The following SMAP1 variants were observed in gnomAD, a reference collection of about 807,000 sequenced individuals.
SMAP1 encodes small ArfGAP 1.
In SMAP1, 24 loss-of-function variants were observed where a neutral mutation model predicts 58.5. The ratio of observed to expected loss-of-function variants is 0.41; its 90% CI spans 0.30 to 0.58. The LOEUF (loss-of-function observed/expected upper bound fraction) is 0.58, where lower values mean the gene tolerates loss of function less well. Ranked by LOEUF, SMAP1 falls within the 20% of genes least tolerant of loss-of-function variation. The pLI is 0.29. For synonymous variants in SMAP1, 216 were observed against 196.6 expected (o/e 1.10, Z -0.82); for missense variants, 563 against 566.3 (o/e 0.99, Z 0.06).
intron 1 of SMAP1, among the ~76,000 whole-genome samples, chr6:70,691,684 T>C (rs184878551): frequency 1.3e-4 from 20 of 152,320 alleles, no homozygotes; most frequent in Admixed American, 9.8e-4. Flanking sequence ...AATTTTTAGC[T>C]CCTATAAAAG....
In SMAP1 at chr6:70,807,971, A is replaced by AATTATAT. The variant is rs564489914; in HGVS notation, c.576+9244_576+9250dup. Among the ~76,000 whole-genome samples, 64 of 151,018 alleles carry AATTATAT rather than the reference A, an allele frequency of 4.2e-4. 1 individual carries two copies. Among genetic ancestry groups the AATTATAT allele is most frequent in the Non-Finnish European group, 8.3e-4 (56 of 67,776 alleles). On this transcript the variant is annotated intron_variant, in intron 6 of 10. Transcript: ENST00000370455. ...TGTCACATGTATTAGATATATTCTT[A>AATTATAT]ATTATATATTATATATAAGAATATA... is the stretch of plus-strand genomic sequence containing the variant.
intron 7 of SMAP1, among the ~76,000 whole-genome samples, chr6:70,840,846 C>G (rs1054714450): frequency 6.6e-6 from 1 of 152,122 alleles, no homozygotes; most frequent in Admixed American, 6.5e-5. Flanking sequence ...TCTGAATGTA[C>G]CAGATTTGAA....
intron 3 of SMAP1, 94 bp from the exon 4 acceptor site, chr6:70,773,251 AAAATT>A: frequency 1.5e-6 from 1 of 681,518 alleles, no homozygotes; most frequent in Non-Finnish European, 2.5e-6. Context: ...GAGGAGTAGG[AAAATT>A]AAATTTAGAG....
chr6:70,826,526 G>A (rs954687534), intron 6 of SMAP1, among the ~76,000 whole-genome samples: 5 of 152,104 alleles, frequency 3.3e-5, no homozygotes, highest in African/African-American at 1.2e-4. Context: ...CACTTTGGGA[G>A]GCCGAGGCAG....
chr6:70,668,217 G>A lies in SMAP1; in HGVS notation c.118+76G>A, dbSNP rs951555813. 3.0e-6 allele frequency: 4 copies of A among 1,338,098 alleles called. No individual in the cohort carries two copies. In the East Asian group the frequency reaches 7.9e-5, roughly 27 times the overall value. The allele number at this position is 1,338,098 out of a possible 1,614,324, so 82.9% of individuals were successfully genotyped here. A position where few individuals can be genotyped will look rare whatever the true frequency, so the allele number is the denominator to read the frequency against. ...ACCTTCCCGCCGCTGCGGCGCTCGG[G>A]GCCCGAGCGGACGCCTCGGCTTCGC... On this transcript the variant is annotated intron_variant, in intron 1 of 10. Transcript: ENST00000370455.
chr6:70,700,645 A>C (rs1376723483), intron 1 of SMAP1, among the ~76,000 whole-genome samples: 1 of 152,216 alleles, frequency 6.6e-6, no homozygotes, highest in Non-Finnish European at 1.5e-5. Flanking sequence ...ATTTATGTAT[A>C]GTAACAGAAG....
At chr6:70,711,630 C>T (rs1291583476) in intron 1 of SMAP1, among the ~76,000 whole-genome samples, 1 of 151,692 alleles carries the variant, frequency 6.6e-6, no homozygotes, top group Non-Finnish European at 1.5e-5. Context: ...CAGGTTCAAG[C>T]GATTCTTCTG....
chr6:70,812,246 C>T (rs1040389906), intron 6 of SMAP1, among the ~76,000 whole-genome samples: 1 of 152,046 alleles, frequency 6.6e-6, no homozygotes, highest in Admixed American at 6.6e-5. Context: ...AGTTTTAATA[C>T]CATTAGGTGG....
intron 3 of SMAP1, among the ~76,000 whole-genome samples, chr6:70,764,989 A>G (rs1267498340): frequency 6.6e-6 from 1 of 151,984 alleles, no homozygotes; most frequent in Non-Finnish European, 1.5e-5. Flanking sequence ...TTTTGTAGAG[A>G]TGGAATTTTG....
At chr6:70,680,712 G>GTTTTTTTTTTTTTTTTT (rs34867967) in intron 1 of SMAP1, among the ~76,000 whole-genome samples, 1 of 78,980 alleles carries the variant, frequency 1.3e-5, no homozygotes, top group Non-Finnish European at 2.2e-5. Context: ...TGGATTTCCT[G>GTTTTTTTTTTTTTTTTT]TTTTTTTTTT....
At chr6:70,745,612 C>T (rs1362287062) in intron 2 of SMAP1, among the ~76,000 whole-genome samples, 1 of 151,782 alleles carries the variant, frequency 6.6e-6, no homozygotes, top group Non-Finnish European at 1.5e-5. Flanking sequence ...TAGTGTGATG[C>T]CTCCAGCTTT....
At chr6:70,786,582 A>C (rs919565923) in intron 4 of SMAP1, among the ~76,000 whole-genome samples, 1 of 151,816 alleles carries the variant, frequency 6.6e-6, no homozygotes, top group Non-Finnish European at 1.5e-5. Flanking sequence ...AATCTCCTTA[A>C]GCTGATAAGC....
At chr6:70,739,339 A>G (rs969230882) in intron 2 of SMAP1, among the ~76,000 whole-genome samples, 1 of 152,122 alleles carries the variant, frequency 6.6e-6, no homozygotes, top group Non-Finnish European at 1.5e-5. Context: ...ATTAAAATCA[A>G]TTTTACCTGT....
chr6:70,798,887 C>A, intron 6 of SMAP1, 150 bp downstream of exon 6: 1 of 634,304 alleles, frequency 1.6e-6, no homozygotes, highest in Non-Finnish European at 2.6e-6. Context: ...TCAGCATGTC[C>A]TTCTAGCTTG....
chr6:70,776,327 C>T (rs766621456), intron 4 of SMAP1, among the ~76,000 whole-genome samples: 23 of 152,058 alleles, frequency 1.5e-4, no homozygotes, highest in African/African-American at 2.4e-4. Context: ...GGACTACAGG[C>T]GTGCTACCAC....
At chr6:70,748,830 G>T (rs1040614471) in intron 2 of SMAP1, among the ~76,000 whole-genome samples, 10 of 151,940 alleles carry the variant, frequency 6.6e-5, no homozygotes, top group Non-Finnish European at 1.3e-4. Context: ...CTCCATAGAA[G>T]TAACCATATT....
intron 6 of SMAP1, among the ~76,000 whole-genome samples, chr6:70,809,333 A>C (rs1439957392): frequency 1.3e-5 from 2 of 152,220 alleles, no homozygotes; most frequent in Non-Finnish European, 2.9e-5. Flanking sequence ...AACAACCATC[A>C]AACTTCCTCA....
In SMAP1 at chr6:70,859,253, C is replaced by T. The variant is rs190901315; in HGVS notation, c.1270-947C>T. On this transcript the variant is annotated intron_variant, in intron 10 of 10. Coordinates refer to ENST00000370455, the MANE Select transcript of SMAP1 (RefSeq NM_001044305.3). Reference sequence around the variant, plus strand: ...TGCTAAGTGTCAGTCACATGGTCAACATGCTGAAGCACACCCAGCTCAGGT... The same window carrying T: ...TGCTAAGTGTCAGTCACATGGTCAATATGCTGAAGCACACCCAGCTCAGGT... The T allele has an allele frequency of 9.8e-6, 10 of 1,017,086 alleles. No individual in the cohort carries two copies. The East Asian group carries it at 2.4e-4, about 25-fold the overall frequency. 63.0% of individuals were successfully genotyped at this position (1,017,086 alleles called of 1,614,324 possible).
chr6:70,767,421 A>C (rs148089675), intron 3 of SMAP1, among the ~76,000 whole-genome samples: 6 of 151,778 alleles, frequency 4.0e-5, no homozygotes, highest in South Asian at 4.1e-4. Flanking sequence ...CTTTTATTTC[A>C]TTGAGCAGTG....
Sources: allele counts gnomAD v4.1 joint callset (sites outside exome capture counted in the v4.1 genomes callset), GRCh38; gene constraint gnomAD v4.1.1; transcripts MANE v1.5; gene names NCBI Gene and HGNC (gene_info 2026-07-23, HGNC 2026-07-21).